The following ELP1 variants were observed in gnomAD, a reference collection of about 807,000 sequenced individuals.
ELP1 encodes elongator complex protein 1.
In ELP1, 131 loss-of-function variants were observed where a neutral mutation model predicts 183.2. The ratio of observed to expected loss-of-function variants is 0.72; its 90% CI spans 0.62 to 0.83. ELP1 has a LOEUF of 0.83. Among genes scored for constraint, ELP1 ranks in the 40% least tolerant of loss-of-function variants. The pLI, the probability that ELP1 is intolerant of heterozygous loss-of-function variation, is 0.00. For synonymous variants in ELP1, 555 were observed against 569.0 expected (o/e 0.98, Z 0.35); for missense variants, 1,550 against 1,594.9 (o/e 0.97, Z 0.48).
intron 5 of ELP1, among the ~76,000 whole-genome samples, chr9:108,925,277 C>T (rs1399558239): frequency 1.3e-5 from 2 of 152,176 alleles, no homozygotes; most frequent in Admixed American, 6.5e-5. Flanking sequence ...TGTCCATATT[C>T]CCTACTACAA....
intron 10 of ELP1, among the ~76,000 whole-genome samples, chr9:108,914,292 G>A (rs59499926): frequency 2.0e-5 from 3 of 151,014 alleles, no homozygotes; most frequent in African/African-American, 7.3e-5. Context: ...CCAGCTACTC[G>A]GGAAGCTGAG....
rs746727480 is a variant in ELP1, at chr9:108,931,178, T to C, written c.-32A>G. On this transcript the variant is annotated 5_prime_UTR_variant, in exon 2 of 37. The change creates a new upstream start codon in the 5' untranslated region. Transcript: ENST00000374647. ...GTGATTCCCACGAGACAAGTACAAC[T>C]ATCCCTTGATGAATCATTAATCTCT... The C allele has an allele frequency of 1.0e-5, 16 of 1,601,332 alleles. No individual in the cohort carries two copies.
At chr9:108,885,484 C>T (rs10979586) in intron 29 of ELP1, among the ~76,000 whole-genome samples, 36,349 of 150,676 alleles carry the variant, frequency 0.24, 5,346 homozygotes, top group Non-Finnish European at 0.32. Context: ...CTTGAATAGG[C>T]TAATGTCTAC....
chr9:108,927,494 C>G, intron 3 of ELP1, 41 bp from the exon 4 acceptor site: 10 of 1,492,426 alleles, frequency 6.7e-6, no homozygotes, highest in Non-Finnish European at 9.4e-6. Flanking sequence ...CAAACACTAG[C>G]ATCTCAGTAA....
intron 20 of ELP1, among the ~76,000 whole-genome samples, chr9:108,899,063 G>A (rs764537529): frequency 3.8e-4 from 58 of 152,016 alleles, no homozygotes; most frequent in Admixed American, 2.3e-3. Flanking sequence ...TTGGGAGGCC[G>A]AGGTGGGCAG....
intron 25 of ELP1, 85 bp from the exon 26 acceptor site, chr9:108,894,151 C>T: frequency 1.3e-6 from 1 of 768,196 alleles, no homozygotes; most frequent in Non-Finnish European, 2.1e-6. Context: ...AGCAATAAAC[C>T]CAAAGCTACA....
rs1828451321 is a variant in ELP1 at position 108,894,162 on chromosome 9, T to A, written c.2737-96A>T. The A allele has an allele frequency of 5.6e-6, 4 of 711,444 alleles. No individual in the cohort carries two copies. The South Asian group carries it at 7.6e-5, about 14-fold the overall frequency. The allele number at this position is 711,444 out of a possible 1,614,324, so 44.1% of individuals were successfully genotyped here. A position where few individuals can be genotyped will look rare whatever the true frequency, so the allele number is the denominator to read the frequency against. Reference sequence around the variant, plus strand: ...ATATAGCAATAAACCCAAAGCTACATAATTTTTAAATGTGTATTATATATT... The same window carrying A: ...ATATAGCAATAAACCCAAAGCTACAAAATTTTTAAATGTGTATTATATATT... On this transcript the variant is annotated intron_variant, in intron 25 of 36. Coordinates refer to ENST00000374647, the MANE Select transcript of ELP1 (RefSeq NM_003640.5).
chr9:108,903,406 G>T (rs1055789979), intron 15 of ELP1, among the ~76,000 whole-genome samples, 157 bp downstream of exon 15: 5 of 152,192 alleles, frequency 3.3e-5, no homozygotes, highest in African/African-American at 1.2e-4. Context: ...AACAGGAGTA[G>T]AATACACTTG....
intron 29 of ELP1, among the ~76,000 whole-genome samples, chr9:108,888,146 C>T (rs62577316): frequency 0.053 from 8,081 of 152,176 alleles, 330 homozygotes; most frequent in South Asian, 0.12. Context: ...GTGAAAGGAG[C>T]CAGATTAAAA....
At chr9:108,899,613 G>A (rs563309565) in intron 20 of ELP1, among the ~76,000 whole-genome samples, 3 of 149,950 alleles carry the variant, frequency 2.0e-5, no homozygotes, top group East Asian at 2.0e-4. Context: ...TGAGTGTCAC[G>A]ATTCTTTCTG....
Position 108,868,857 on chromosome 9 carries a change from A to C in ELP1, c.*258T>G, listed in dbSNP as rs1054600007. 1.7e-6 allele frequency: 1 copy of C among 601,294 alleles called. No homozygotes were observed. Among genetic ancestry groups the C allele is most frequent in the African/African-American group, 1.9e-5 (1 of 53,934 alleles). 37.2% of individuals were successfully genotyped at this position (601,294 alleles called of 1,614,324 possible). ...CATAATTATGCTCTCAAACAGCCCA[A>C]GTGAAAGAACAATCATTCTCACAAA... On this transcript the variant is annotated 3_prime_UTR_variant, in exon 37 of 37. Coordinates refer to ENST00000374647, the MANE Select transcript of ELP1 (RefSeq NM_003640.5).
At chr9:108,881,571 T>C (rs921722437) in intron 31 of ELP1, 134 bp downstream of exon 31, 1 of 660,364 alleles carries the variant, frequency 1.5e-6, no homozygotes, top group East Asian at 2.7e-5. Context: ...TTAAATATTA[T>C]ATCCAGGTGG....
chr9:108,896,520 G>A lies in ELP1; in HGVS notation c.2712C>T (p.Leu904=). 6.2e-7 allele frequency: 1 copy of A among 1,614,104 alleles called. No individual in the cohort carries two copies. The highest frequency in any genetic ancestry group is 8.5e-7 in the Non-Finnish European group (1 of 1,179,976). The part of the protein sequence containing the change: ...SLGTYDFDLV[L]MVAEKSQKDP... ...CCTTCTGTGACTTCTCAGCTACCATGAGGACCAAATCAAAGTCATAGGTGC... is the reference window on the plus strand; with the variant it reads ...CCTTCTGTGACTTCTCAGCTACCATAAGGACCAAATCAAAGTCATAGGTGC... Residue 904 remains leucine (L), a synonymous_variant, in exon 25 of 37, where the codon CTC becomes CTT. Transcript: ENST00000374647.
intron 1 of ELP1, among the ~76,000 whole-genome samples, chr9:108,932,671 C>T (rs1830036928): frequency 6.6e-6 from 1 of 152,052 alleles, no homozygotes; most frequent in Admixed American, 6.5e-5. Context: ...ATCATAAAAA[C>T]GCCTCAAAAC....
chr9:108,916,458 A>C (rs1829438056), intron 9 of ELP1, among the ~76,000 whole-genome samples, 161 bp from the exon 10 acceptor site: 1 of 152,198 alleles, frequency 6.6e-6, no homozygotes, highest in Non-Finnish European at 1.5e-5. Context: ...AAATCTGTAA[A>C]ATATGTCATT....
intron 28 of ELP1, chr9:108,889,673 C>T (rs1368730299): frequency 6.3e-6 from 3 of 478,422 alleles, no homozygotes; most frequent in African/African-American, 5.9e-5. Flanking sequence ...CCACTTCGTC[C>T]CTTAACAGTA....
At chr9:108,924,847 C>T (rs1252692804) in intron 5 of ELP1, among the ~76,000 whole-genome samples, 1 of 152,166 alleles carries the variant, frequency 6.6e-6, no homozygotes, top group Non-Finnish European at 1.5e-5. Context: ...TCTTTATTCC[C>T]AACACCTGAG....
chr9:108,912,753 G>GTTTTTTTTTTTTTTTTTTTTTTTTT (rs554750757), intron 10 of ELP1, among the ~76,000 whole-genome samples: 1 of 132,780 alleles, frequency 7.5e-6, no homozygotes. Flanking sequence ...GTTTATTTTC[G>GTTTTTTTTTTTTTTTTTTTTTTTTT]TTTTTTTTTT....
chr9:108,904,102 T>C (rs1486945999), intron 14 of ELP1, among the ~76,000 whole-genome samples: 1 of 152,194 alleles, frequency 6.6e-6, no homozygotes, highest in Non-Finnish European at 1.5e-5. Context: ...AGCTGGTCTG[T>C]AGGAAAATGA....
Sources: allele counts gnomAD v4.1 joint callset (sites outside exome capture counted in the v4.1 genomes callset), GRCh38; gene constraint gnomAD v4.1.1; transcripts MANE v1.5; gene names NCBI Gene and HGNC (gene_info 2026-07-23, HGNC 2026-07-21).